CSRNP3: variants seen among roughly 807,000 people sequenced by gnomAD.
The protein encoded by CSRNP3 is cysteine/serine-rich nuclear protein 3.
A neutral mutation model predicts 48.0 loss-of-function variants in CSRNP3; 12 were observed. The ratio of observed to expected loss-of-function variants is 0.25; its 90% confidence interval spans 0.16 to 0.41. The LOEUF (loss-of-function observed/expected upper bound fraction) is 0.41, where lower values mean the gene tolerates loss of function less well. Among genes scored for constraint, CSRNP3 ranks in the 10% least tolerant of loss-of-function variants. The pLI is 1.00. For missense variants in CSRNP3, 580 were observed against 724.4 expected, an observed-to-expected ratio of 0.80 and a Z score of 2.29; for synonymous variants, 263 against 269.7, an observed-to-expected ratio of 0.98 and a Z score of 0.24.
chr2:165,538,669 CATCTCCAGTA>C (rs1210141153), intron 3 of CSRNP3, among the ~76,000 whole-genome samples: 1 of 151,826 alleles, frequency 6.6e-6, no homozygotes, highest in Non-Finnish European at 1.5e-5. Flanking sequence ...TTTTCATAGT[CATCTCCAGTA>C]ATAGAAATAG....
intron 5 of CSRNP3, among the ~76,000 whole-genome samples, chr2:165,675,445 T>C (rs1174547198): frequency 2.0e-5 from 3 of 152,202 alleles, no homozygotes; most frequent in Non-Finnish European, 4.4e-5. Flanking sequence ...CTAAATGCTT[T>C]TTTATGAAGG....
chr2:165,509,335 G>C (rs147125191), intron 2 of CSRNP3, among the ~76,000 whole-genome samples: 323 of 152,286 alleles, frequency 2.1e-3, no homozygotes, highest in Middle Eastern at 0.014. Flanking sequence ...TGTGGGGTAG[G>C]AGGAGGCTTC....
At chr2:165,585,510 A>G (rs1345275577) in intron 3 of CSRNP3, among the ~76,000 whole-genome samples, 1 of 152,160 alleles carries the variant, frequency 6.6e-6, no homozygotes. Flanking sequence ...GAGTAAAGCT[A>G]AAGAAGAAAA....
At chr2:165,662,295 C>T (rs1034217297) in intron 5 of CSRNP3, among the ~76,000 whole-genome samples, 2 of 151,912 alleles carry the variant, frequency 1.3e-5, no homozygotes, top group Admixed American at 1.3e-4. Context: ...TATGTATTAC[C>T]TTAGTAGAAC....
chr2:165,571,031 T>C (rs1685366074), intron 3 of CSRNP3, among the ~76,000 whole-genome samples: 1 of 151,938 alleles, frequency 6.6e-6, no homozygotes, highest in Admixed American at 6.6e-5. Flanking sequence ...TTTAAAACTT[T>C]CAATTGACAC....
At chr2:165,546,026 C>A (rs1685020527) in intron 3 of CSRNP3, among the ~76,000 whole-genome samples, 1 of 151,980 alleles carries the variant, frequency 6.6e-6, no homozygotes, top group Non-Finnish European at 1.5e-5. Context: ...GTGTTATTAG[C>A]CCCACTTTAT....
chr2:165,520,783 TTATATATATATATATATATATATATA>T (rs869287628), intron 3 of CSRNP3, among the ~76,000 whole-genome samples: 3 of 29,730 alleles, frequency 1.0e-4, no homozygotes, highest in Non-Finnish European at 1.6e-4. Context: ...TATATATATA[TTATATATATATATATATATATATATA>T]TATATATATA....
rs188244126 is a variant in CSRNP3 at position 165,656,557 on chromosome 2, G to T, written c.149-1204G>T. On this transcript the variant is annotated intron_variant, in intron 4 of 6. Transcript: ENST00000651982. ...TTTTATTTGTCAATTAAAAAAATAA[G>T]AAGAAGAAAAAGTAGTTCTGATATA... 1.5e-3 allele frequency among the ~76,000 whole-genome samples: 234 copies of T among 152,094 alleles called. 1 individual carries two copies. Among genetic ancestry groups the T allele is most frequent in the African/African-American group, 5.2e-3 (217 of 41,524 alleles).
intron 3 of CSRNP3, among the ~76,000 whole-genome samples, chr2:165,540,351 TTC>T (rs1192010120): frequency 6.6e-6 from 1 of 152,106 alleles, no homozygotes; most frequent in African/African-American, 2.4e-5. Flanking sequence ...TAAGTTGATA[TTC>T]TCTCTGAGAC....
chr2:165,566,173 A>G (rs1052275063), intron 3 of CSRNP3, among the ~76,000 whole-genome samples: 1 of 151,022 alleles, frequency 6.6e-6, no homozygotes, highest in Non-Finnish European at 1.5e-5. Context: ...TGCGTTTCAA[A>G]CATTCCAGCA....
At chr2:165,663,114 C>A (rs1262367807) in intron 5 of CSRNP3, among the ~76,000 whole-genome samples, 1 of 152,154 alleles carries the variant, frequency 6.6e-6, no homozygotes, top group Admixed American at 6.6e-5. Flanking sequence ...CCCTTTGTAT[C>A]TCCTCAAAAG....
At chr2:165,656,305 C>A (rs945959554) in intron 4 of CSRNP3, among the ~76,000 whole-genome samples, 4 of 152,120 alleles carry the variant, frequency 2.6e-5, no homozygotes, top group Non-Finnish European at 5.9e-5. Context: ...TTTCAAGAGG[C>A]CATGTTTACA....
chr2:165,642,559 ATTC>A (rs1454494995), intron 4 of CSRNP3, among the ~76,000 whole-genome samples: 154 of 148,620 alleles, frequency 1.0e-3, no homozygotes, highest in African/African-American at 3.7e-3. Flanking sequence ...GATTATGCAT[ATTC>A]TTTTTTTTTT....
chr2:165,502,087 C>T (rs181960924), intron 2 of CSRNP3, among the ~76,000 whole-genome samples: 1 of 151,908 alleles, frequency 6.6e-6, no homozygotes, highest in Non-Finnish European at 1.5e-5. Context: ...ATGATTTTTA[C>T]GGTATTTTTT....
At chr2:165,662,296 TTAG>T (rs1238689235) in intron 5 of CSRNP3, among the ~76,000 whole-genome samples, 1 of 152,190 alleles carries the variant, frequency 6.6e-6, no homozygotes, top group Non-Finnish European at 1.5e-5. Flanking sequence ...ATGTATTACC[TTAG>T]TAGAACAAAT....
At chr2:165,663,928 C>T (rs555946401) in intron 5 of CSRNP3, among the ~76,000 whole-genome samples, 16 of 152,016 alleles carry the variant, frequency 1.1e-4, no homozygotes, top group East Asian at 5.8e-4. Flanking sequence ...CTGAAAGAAG[C>T]GATGTTGGTC....
chr2:165,513,327 A>T (rs1028942349), intron 2 of CSRNP3, among the ~76,000 whole-genome samples: 1 of 152,168 alleles, frequency 6.6e-6, no homozygotes, highest in Non-Finnish European at 1.5e-5. Flanking sequence ...TCACTTGAGA[A>T]CACCAGACAA....
chr2:165,528,079 T>C (rs1383533272), intron 3 of CSRNP3, among the ~76,000 whole-genome samples: 3 of 152,216 alleles, frequency 2.0e-5, no homozygotes, highest in Non-Finnish European at 4.4e-5. Context: ...ATTATGTCTA[T>C]AAATTAGCAA....
chr2:165,568,801 T>G (rs1473518714), intron 3 of CSRNP3, among the ~76,000 whole-genome samples: 1 of 152,060 alleles, frequency 6.6e-6, no homozygotes, highest in African/African-American at 2.4e-5. Flanking sequence ...ATCTTATTAT[T>G]AAGATAAGTT....
Sources: gnomAD v4.1 joint callset for allele counts (sites outside exome capture counted in the v4.1 genomes callset) on GRCh38, gnomAD v4.1.1 for gene constraint, MANE v1.5 for transcripts, NCBI Gene and HGNC (gene_info 2026-07-23, HGNC 2026-07-21) for gene names.